GALNT7: variants seen among roughly 807,000 people sequenced by gnomAD.
The protein encoded by GALNT7 is N-acetylgalactosaminyltransferase 7.
GALNT7 carries 60 observed loss-of-function variants against 82.1 expected under a neutral mutation model. The ratio of observed to expected loss-of-function variants is 0.73; its 90% CI spans 0.59 to 0.91. GALNT7 has a LOEUF of 0.91. GALNT7 is among the 40% of genes least tolerant of loss of function. The pLI is 0.00. For missense variants in GALNT7, 660 were observed against 804.2 expected (o/e 0.82, Z 2.17); for synonymous variants, 243 against 275.1 (o/e 0.88, Z 1.15).
At chr4:173,307,669 G>A (rs1460922949) in intron 8 of GALNT7, among the ~76,000 whole-genome samples, 1 of 152,182 alleles carries the variant, frequency 6.6e-6, no homozygotes, top group Non-Finnish European at 1.5e-5. Flanking sequence ...TGGAGATGGG[G>A]CATGCACAAT....
intron 1 of GALNT7, among the ~76,000 whole-genome samples, chr4:173,232,912 C>T (rs1192526222): frequency 6.6e-6 from 1 of 152,174 alleles, no homozygotes; most frequent in Non-Finnish European, 1.5e-5. Context: ...CCCTTCCCAG[C>T]CACTGTTAGC....
chr4:173,184,005 G>A (rs186764584), intron 1 of GALNT7, among the ~76,000 whole-genome samples: 8 of 150,258 alleles, frequency 5.3e-5, no homozygotes, highest in Non-Finnish European at 1.0e-4. Flanking sequence ...CAGACGGGTC[G>A]GTGGGGCAGA....
At chr4:173,204,604 A>G (rs1329144883) in intron 1 of GALNT7, among the ~76,000 whole-genome samples, 1 of 151,910 alleles carries the variant, frequency 6.6e-6, no homozygotes, top group Admixed American at 6.6e-5. Flanking sequence ...GATGCTCTCT[A>G]TTGCATTTTT....
chr4:173,201,035 A>C (rs1732929314), intron 1 of GALNT7, among the ~76,000 whole-genome samples: 1 of 152,230 alleles, frequency 6.6e-6, no homozygotes, highest in Non-Finnish European at 1.5e-5. Flanking sequence ...TATCCATCAC[A>C]AATAAATGTG....
chr4:173,243,047 A>G (rs2126729547), intron 1 of GALNT7, among the ~76,000 whole-genome samples: 1 of 152,332 alleles, frequency 6.6e-6, no homozygotes, highest in East Asian at 1.9e-4. Context: ...CCTAAAGCTA[A>G]GTCATCATTT....
intron 2 of GALNT7, among the ~76,000 whole-genome samples, chr4:173,262,268 A>C (rs1735301800): frequency 6.6e-6 from 1 of 152,218 alleles, no homozygotes. Context: ...AGTAGCTGCA[A>C]TATAGAATCT....
In GALNT7 at chr4:173,323,896, AACTT is replaced by A. The variant is rs1737912515; in HGVS notation, c.*2182_*2185del. On this transcript the variant is annotated 3_prime_UTR_variant, in exon 12 of 12. Transcript: ENST00000265000. Reference sequence around the variant, plus strand: ...AAATTTTATTAGGATAAATTTGAGAAACTTACGTATATCTTAATTCTGGGTTGCT... The same window carrying A: ...AAATTTTATTAGGATAAATTTGAGAAACGTATATCTTAATTCTGGGTTGCT... The A allele has an allele frequency of 6.5e-6, 1 of 152,736 alleles. No individual in the cohort carries two copies. The highest frequency in any genetic ancestry group is 2.4e-5 in the African/African-American group (1 of 41,592). The allele number at this position is 152,736 out of a possible 1,614,324, so 9.5% of individuals were successfully genotyped here. A position where few individuals can be genotyped will look rare whatever the true frequency, so the allele number is the denominator to read the frequency against.
At chr4:173,216,720 TATA>T (rs1733477481) in intron 1 of GALNT7, among the ~76,000 whole-genome samples, 1 of 37,124 alleles carries the variant, frequency 2.7e-5, no homozygotes, top group African/African-American at 1.1e-4. Flanking sequence ...TATATATATA[TATA>T]TATATTTTTT....
intron 2 of GALNT7, among the ~76,000 whole-genome samples, chr4:173,264,085 A>G (rs1735385450): frequency 6.6e-6 from 1 of 152,200 alleles, no homozygotes; most frequent in Non-Finnish European, 1.5e-5. Flanking sequence ...AATTTTCAGT[A>G]GGAAAATAAT....
intron 1 of GALNT7, among the ~76,000 whole-genome samples, chr4:173,188,615 G>A (rs974566855): frequency 1.3e-5 from 2 of 152,194 alleles, no homozygotes; most frequent in South Asian, 2.1e-4. Flanking sequence ...AAGAGAAAGC[G>A]CTGTGGACAG....
At chr4:173,174,083 C>G (rs2126616994) in intron 1 of GALNT7, among the ~76,000 whole-genome samples, 1 of 152,256 alleles carries the variant, frequency 6.6e-6, no homozygotes. Context: ...TCACTGTTCT[C>G]TCAGTTTCCC....
intron 1 of GALNT7, among the ~76,000 whole-genome samples, chr4:173,180,851 T>G (rs1397071155): frequency 1.3e-5 from 2 of 152,244 alleles, no homozygotes; most frequent in East Asian, 3.8e-4. Context: ...TTGATCATTG[T>G]GTTTCTTATT....
chr4:173,313,269 T>C (rs570615354), intron 8 of GALNT7, among the ~76,000 whole-genome samples: 112 of 151,986 alleles, frequency 7.4e-4, no homozygotes, highest in Middle Eastern at 3.4e-3. Context: ...AGAACGATTC[T>C]AATAGAAAGA....
At chr4:173,248,606 A>G (rs530190591) in intron 2 of GALNT7, among the ~76,000 whole-genome samples, 166 bp downstream of exon 2, 1 of 152,316 alleles carries the variant, frequency 6.6e-6, no homozygotes, top group South Asian at 2.1e-4. Flanking sequence ...CAGTCCCTCC[A>G]TTTATGCCAT....
chr4:173,287,714 T>C (rs1736376122), intron 2 of GALNT7, among the ~76,000 whole-genome samples: 1 of 152,240 alleles, frequency 6.6e-6, no homozygotes, highest in Admixed American at 6.5e-5. Flanking sequence ...GTCATGCTCA[T>C]CTGCTTATGG....
intron 1 of GALNT7, among the ~76,000 whole-genome samples, chr4:173,216,727 ATTTTTTT>A (rs1554022010): frequency 2.3e-4 from 3 of 12,974 alleles, no homozygotes; most frequent in African/African-American, 8.4e-4. Context: ...ATATATATAT[ATTTTTTT>A]TTTTTTTTTT....
chr4:173,311,377 CT>C (rs1393895669), intron 8 of GALNT7, among the ~76,000 whole-genome samples: 1 of 152,160 alleles, frequency 6.6e-6, no homozygotes, highest in African/African-American at 2.4e-5. Flanking sequence ...TGTTTTCACA[CT>C]GCTATAAAGA....
chr4:173,187,440 C>G (rs189040627), intron 1 of GALNT7, among the ~76,000 whole-genome samples: 37 of 150,078 alleles, frequency 2.5e-4, no homozygotes, highest in African/African-American at 8.8e-4. Context: ...TCATATACAC[C>G]ACATTTGCAA....
intron 2 of GALNT7, among the ~76,000 whole-genome samples, chr4:173,263,476 A>C (rs1735358874): frequency 6.6e-6 from 1 of 152,212 alleles, no homozygotes; most frequent in Admixed American, 6.5e-5. Context: ...GCAGAAGTGC[A>C]GTCAACATCT....
Sources: gnomAD v4.1 joint callset for allele counts (sites outside exome capture counted in the v4.1 genomes callset) on GRCh38, gnomAD v4.1.1 for gene constraint, MANE v1.5 for transcripts, NCBI Gene and HGNC (gene_info 2026-07-23, HGNC 2026-07-21) for gene names.